The following MEI4 variants were observed in gnomAD, a reference collection of about 807,000 sequenced individuals.
MEI4 encodes the protein meiosis-specific protein MEI4.
MEI4 carries 27 observed loss-of-function variants against 31.4 expected under a neutral mutation model. The observed-to-expected ratio is 0.86, with a 90% CI of 0.63 to 1.19. MEI4 has a LOEUF of 1.19. Among genes scored for constraint, MEI4 ranks in the 50% most tolerant of loss-of-function variants. The pLI is 0.00. For synonymous variants in MEI4, 122 were observed against 145.4 expected (o/e 0.84, Z 1.16); for missense variants, 329 against 398.9 (o/e 0.82, Z 1.49).
intron 4 of MEI4, among the ~76,000 whole-genome samples, chr6:77,862,954 C>CA (rs1319458191): frequency 6.6e-6 from 1 of 152,180 alleles, no homozygotes; most frequent in Non-Finnish European, 1.5e-5. Flanking sequence ...TGCTGATACC[C>CA]AGGCAAACAG....
At chr6:77,732,127 A>T (rs1349154501) in intron 2 of MEI4, among the ~76,000 whole-genome samples, 3 of 151,336 alleles carry the variant, frequency 2.0e-5, no homozygotes, top group Non-Finnish European at 4.4e-5. Flanking sequence ...TTTTGGTTCC[A>T]TATGAACTTG....
intron 3 of MEI4, among the ~76,000 whole-genome samples, chr6:77,823,160 T>G (rs1273239389): frequency 6.6e-6 from 1 of 152,170 alleles, no homozygotes; most frequent in East Asian, 1.9e-4. Flanking sequence ...CATTTAATTA[T>G]TTTTAAAACA....
At chr6:77,901,080 T>A (rs138393291) in intron 4 of MEI4, among the ~76,000 whole-genome samples, 1 of 151,898 alleles carries the variant, frequency 6.6e-6, no homozygotes, top group Non-Finnish European at 1.5e-5. Flanking sequence ...GTTCATTGTA[T>A]ATATATATAG....
intron 3 of MEI4, among the ~76,000 whole-genome samples, chr6:77,770,693 C>A (rs1768289494): frequency 6.6e-6 from 1 of 152,110 alleles, no homozygotes; most frequent in Non-Finnish European, 1.5e-5. Context: ...AGAAATAATG[C>A]TCCACACCTC....
intron 1 of MEI4, among the ~76,000 whole-genome samples, chr6:77,653,995 T>C (rs1768343692): frequency 6.6e-6 from 1 of 152,210 alleles, no homozygotes; most frequent in Non-Finnish European, 1.5e-5. Flanking sequence ...AAATATTTAT[T>C]CAATAGAGTA....
At position 77,683,477 on chromosome 6, in the gene MEI4, CA is replaced by C. The variant is rs1353341152; in HGVS notation, c.-14-7180del. ...TGCAAAACATTATTAACTATGTCAC[CA>C]TGTTGTACCATGGATCTCTGGAAGT... On this transcript the variant is annotated intron_variant, in intron 1 of 4. Transcript: ENST00000684080. Among the ~76,000 whole-genome samples the C allele has an allele frequency of 3.9e-5, 6 of 152,122 alleles. No individual in the cohort carries two copies. In the South Asian group the frequency reaches 1.0e-3, roughly 26 times the overall value.
At position 77,712,456 on chromosome 6, in the gene MEI4, A is replaced by T. The variant is rs533317700; in HGVS notation, c.232+21553A>T. On this transcript the variant is annotated intron_variant, in intron 2 of 4. Transcript: ENST00000684080. ...TTTATGGCATGAATATCATGAATTT[A>T]TATGTTTACTAGAACACGTCTTGGA... Among the ~76,000 whole-genome samples the T allele has an allele frequency of 2.2e-4, 34 of 152,316 alleles. No individual in the cohort carries two copies. In the East Asian group the frequency reaches 6.4e-3, roughly 29 times the overall value.
intron 2 of MEI4, among the ~76,000 whole-genome samples, chr6:77,728,413 G>A (rs1028978210): frequency 6.6e-6 from 1 of 152,138 alleles, no homozygotes; most frequent in African/African-American, 2.4e-5. Context: ...TTATATGCAT[G>A]TTCATTTGTT....
intron 4 of MEI4, among the ~76,000 whole-genome samples, chr6:77,868,100 G>A (rs923949115): frequency 1.3e-5 from 2 of 151,754 alleles, no homozygotes; most frequent in African/African-American, 4.8e-5. Context: ...GATAGCATTA[G>A]GAGATTTACC....
chr6:77,750,992 C>A (rs887793565), intron 2 of MEI4, among the ~76,000 whole-genome samples: 2 of 152,166 alleles, frequency 1.3e-5, no homozygotes, highest in Admixed American at 1.3e-4. Flanking sequence ...TGCATGGAAA[C>A]TGAACAACCT....
At chr6:77,735,942 G>C (rs555855853) in intron 2 of MEI4, among the ~76,000 whole-genome samples, 2 of 148,806 alleles carry the variant, frequency 1.3e-5, no homozygotes, top group South Asian at 2.1e-4. Flanking sequence ...CAGTTAGGCT[G>C]CTCGGGGGTC....
intron 2 of MEI4, among the ~76,000 whole-genome samples, chr6:77,742,776 C>G (rs1420989704): frequency 6.6e-6 from 1 of 151,824 alleles, no homozygotes; most frequent in Non-Finnish European, 1.5e-5. Context: ...AGTCTTTAAA[C>G]CATCTTGAAT....
intron 2 of MEI4, among the ~76,000 whole-genome samples, chr6:77,759,913 C>G (rs1768005327): frequency 6.6e-6 from 1 of 152,100 alleles, no homozygotes; most frequent in Non-Finnish European, 1.5e-5. Flanking sequence ...CATTCCTGTT[C>G]CCACTGCTGA....
chr6:77,756,832 C>T (rs574117258), intron 2 of MEI4, among the ~76,000 whole-genome samples: 6 of 152,216 alleles, frequency 3.9e-5, no homozygotes, highest in African/African-American at 1.4e-4. Context: ...TAGCCCACAG[C>T]AAGTTTCAGC....
intron 3 of MEI4, among the ~76,000 whole-genome samples, chr6:77,788,900 CTACTT>C (rs1169061991): frequency 3.3e-5 from 5 of 152,286 alleles, no homozygotes; most frequent in South Asian, 2.1e-4. Flanking sequence ...TTGGAAAAAA[CTACTT>C]TAAAGTTCAT....
rs78836659 is a variant in MEI4 at position 77,730,179 on chromosome 6, G to T, written c.233-30951G>T. 3.0e-4 allele frequency among the ~76,000 whole-genome samples: 45 copies of T among 152,274 alleles called. No homozygotes were observed. In the East Asian group the frequency reaches 8.3e-3, roughly 28 times the overall value. On this transcript the variant is annotated intron_variant, in intron 2 of 4. Transcript: ENST00000684080. ...GAGAGCTGTGTGTTTGGCGTGTACAGTGTATAGGGGGCACTGAATTGGGTG... is the reference window on the plus strand; with the variant it reads ...GAGAGCTGTGTGTTTGGCGTGTACATTGTATAGGGGGCACTGAATTGGGTG...
chr6:77,716,971 C>A, intron 2 of MEI4: 1 of 313,574 alleles, frequency 3.2e-6, no homozygotes, highest in Non-Finnish European at 4.6e-6. Flanking sequence ...CCCTACACAC[C>A]TGTGGGTGTT....
chr6:77,695,018 G>C (rs1024988772), intron 2 of MEI4, among the ~76,000 whole-genome samples: 11 of 152,074 alleles, frequency 7.2e-5, no homozygotes, highest in Non-Finnish European at 1.6e-4. Flanking sequence ...GGCCAGTGAT[G>C]ATGAGCATTT....
intron 2 of MEI4, among the ~76,000 whole-genome samples, chr6:77,732,055 G>T (rs1767014140): frequency 1.3e-5 from 2 of 149,192 alleles, no homozygotes; most frequent in African/African-American, 5.0e-5. Context: ...TTGAAGTCAG[G>T]TAGTGTGATG....
Sources: gnomAD v4.1 joint callset for allele counts (sites outside exome capture counted in the v4.1 genomes callset) on GRCh38, gnomAD v4.1.1 for gene constraint, MANE v1.5 for transcripts, NCBI Gene and HGNC (gene_info 2026-07-23, HGNC 2026-07-21) for gene names.